The following ANKRD28 variants were observed in gnomAD, a reference collection of about 807,000 sequenced individuals.
ANKRD28 encodes ankyrin repeat domain 28.
In ANKRD28, 44 loss-of-function variants were observed where a neutral mutation model predicts 126.5. The ratio of observed to expected loss-of-function variants is 0.35; its 90% confidence interval spans 0.27 to 0.45. ANKRD28 has a LOEUF of 0.45. Among genes scored for constraint, ANKRD28 ranks in the 20% least tolerant of loss-of-function variants. ANKRD28 has a pLI of 1.00. For missense variants in ANKRD28, 1,110 were observed against 1,316.6 expected, an observed-to-expected ratio of 0.84 and a Z score of 2.43; for synonymous variants, 442 against 468.5, an observed-to-expected ratio of 0.94 and a Z score of 0.73.
At position 15,741,697 on chromosome 3, in the gene ANKRD28, C is replaced by CTTTTTTTTTTTTTTTTTT. The variant is rs58655271; in HGVS notation, c.352-4482_352-4465dup. Among the ~76,000 whole-genome samples, 13 of 33,662 alleles carry CTTTTTTTTTTTTTTTTTT rather than the reference C, an allele frequency of 3.9e-4. 3 individuals are homozygous for CTTTTTTTTTTTTTTTTTT. Among genetic ancestry groups the CTTTTTTTTTTTTTTTTTT allele is most frequent in the African/African-American group, 1.1e-3 (12 of 11,128 alleles). 22.1% of individuals were successfully genotyped at this position (33,662 alleles called of 152,430 possible). On this transcript the variant is annotated intron_variant, in intron 4 of 27. Coordinates refer to ENST00000683139, the MANE Select transcript of ANKRD28 (RefSeq NM_001349278.2). ...ACCAGTTTTCCCCTTTGGTTCTATC[C>CTTTTTTTTTTTTTTTTTT]TTTTTTTTTTTTTTTTTTTTTTTTT...
chr3:15,725,740 C>T (rs570515505), intron 6 of ANKRD28, among the ~76,000 whole-genome samples: 10 of 152,260 alleles, frequency 6.6e-5, no homozygotes, highest in African/African-American at 1.9e-4. Context: ...TCACAAACTG[C>T]ACTCATATAA....
intron 3 of ANKRD28, chr3:15,756,506 C>A: frequency 1.0e-6 from 1 of 985,370 alleles, no homozygotes. Flanking sequence ...CTCTAGGCAG[C>A]CAGCAATGCA....
chr3:15,752,101 T>C (rs1266969899), intron 3 of ANKRD28, among the ~76,000 whole-genome samples: 3 of 152,014 alleles, frequency 2.0e-5, no homozygotes, highest in Non-Finnish European at 4.4e-5. Context: ...ACAGAGCATA[T>C]CCAAGGTAGA....
At chr3:15,694,047 A>G (rs2069176236) in intron 17 of ANKRD28, among the ~76,000 whole-genome samples, 1 of 152,116 alleles carries the variant, frequency 6.6e-6, no homozygotes, top group African/African-American at 2.4e-5. Context: ...CCTGATTCTC[A>G]AAGTACCCCC....
intron 2 of ANKRD28, chr3:15,781,354 G>A (rs1279996949): frequency 6.6e-6 from 1 of 151,898 alleles, no homozygotes. Context: ...ACTGAGTGGG[G>A]AAGATCTGCC....
chr3:15,738,608 C>G (rs547576295), intron 4 of ANKRD28: 12 of 152,334 alleles, frequency 7.9e-5, no homozygotes, highest in African/African-American at 2.6e-4. Context: ...CTGTAGTGCG[C>G]TATGCCGATC....
intron 3 of ANKRD28, among the ~76,000 whole-genome samples, chr3:15,760,387 T>C (rs983246495): frequency 3.0e-4 from 45 of 152,348 alleles, no homozygotes; most frequent in African/African-American, 1.0e-3. Context: ...CATGTACTCC[T>C]GAACTTAAAA....
chr3:15,801,121 G>T (rs1048356067), upstream of ANKRD28, among the ~76,000 whole-genome samples: 7 of 152,052 alleles, frequency 4.6e-5, no homozygotes, highest in Non-Finnish European at 8.8e-5. The surrounding 1 kb of genome is among the most constrained non-coding windows in gnomAD (Gnocchi z 4.9). Context: ...ATTAGATTAA[G>T]TTTTTAATAA....
chr3:15,746,914 G>A (rs950458462), intron 4 of ANKRD28, among the ~76,000 whole-genome samples: 1 of 152,086 alleles, frequency 6.6e-6, no homozygotes, highest in African/African-American at 2.4e-5. Flanking sequence ...TACCTTCCTA[G>A]TTTAATCTAG....
chr3:15,838,320 A>AT lies in ANKRD28; in HGVS notation c.27+21056dup, dbSNP rs535038743. On this transcript the variant is annotated intron_variant, in intron 1 of 27. Transcript: ENST00000399451. The surrounding 1 kb of genome is among the most constrained non-coding windows in gnomAD (Gnocchi z 4.0). The stretch of plus-strand genomic sequence containing the variant: ...AGACAAAGATATCACACGAATAGAG[A>AT]TTTTTTTTAATCCTAACAAAATATC... 3.3e-5 allele frequency among the ~76,000 whole-genome samples: 5 copies of AT among 152,254 alleles called. No individual in the cohort carries two copies. The highest frequency in any genetic ancestry group is 2.1e-4 in the South Asian group (1 of 4,828).
At chr3:15,783,584 A>T (rs1183174271) in intron 2 of ANKRD28, among the ~76,000 whole-genome samples, 1 of 152,056 alleles carries the variant, frequency 6.6e-6, no homozygotes, top group Non-Finnish European at 1.5e-5. Context: ...AGTACATTTA[A>T]TTGTAACAGA....
At chr3:15,682,907 G>A (rs148028319) in intron 21 of ANKRD28, among the ~76,000 whole-genome samples, 173 of 152,272 alleles carry the variant, frequency 1.1e-3, no homozygotes, top group Non-Finnish European at 1.9e-3. Context: ...TTTGCTACAG[G>A]CTGAAAATCA....
Position 15,836,066 on chromosome 3 carries a change from A to G in ANKRD28, c.27+23311T>C, listed in dbSNP as rs371158146. On this transcript the variant is annotated intron_variant, in intron 1 of 27. Coordinates refer to the ANKRD28 transcript ENST00000399451. ...AAGCACAAAAATGGGAGTGAATTAT[A>G]TTGAAAAAAAGAGATGACACTAGAT... is the stretch of plus-strand genomic sequence containing the variant. Among the ~76,000 whole-genome samples, 10 of 152,318 alleles carry G rather than the reference A, an allele frequency of 6.6e-5. No individual in the cohort carries two copies. In the East Asian group the frequency reaches 1.7e-3, roughly 26 times the overall value.
At position 15,749,272 on chromosome 3, in the gene ANKRD28, G is replaced by A. The variant is rs1216365694; in HGVS notation, c.351+2478C>T. ...ACTACAGGCGCCCGCCACCGCGCCC[G>A]GCTAATTTTTTGTATTTTTTTAGTA... On this transcript the variant is annotated intron_variant, in intron 4 of 27. Coordinates refer to ENST00000683139, the MANE Select transcript of ANKRD28 (RefSeq NM_001349278.2). Among the ~76,000 whole-genome samples the A allele has an allele frequency of 4.6e-5, 7 of 150,596 alleles. No individual in the cohort carries two copies. The South Asian group carries it at 6.4e-4, about 14-fold the overall frequency.
At chr3:15,806,503 C>T (rs566914571) in intron 1 of ANKRD28, among the ~76,000 whole-genome samples, 2 of 152,092 alleles carry the variant, frequency 1.3e-5, no homozygotes, top group Non-Finnish European at 2.9e-5. Context: ...ACCACTATAC[C>T]AACACTGCTG....
rs927171972 is a variant in ANKRD28, at chr3:15,668,021, A to G, written c.*2249T>C. 6.6e-6 allele frequency: 1 copy of G among 152,242 alleles called. No individual in the cohort carries two copies. Among genetic ancestry groups the G allele is most frequent in the African/African-American group, 2.4e-5 (1 of 41,446 alleles). 9.4% of individuals were successfully genotyped at this position (152,242 alleles called of 1,614,324 possible). A position where few individuals can be genotyped will look rare whatever the true frequency, so the allele number is the denominator to read the frequency against. ...AATGTGCGAGATTCATCCTTCCAAC[A>G]TTCTCAGGGTTCTCTTGGAGGACAG... On this transcript the variant is annotated 3_prime_UTR_variant, in exon 28 of 28. Coordinates refer to ENST00000683139, the MANE Select transcript of ANKRD28 (RefSeq NM_001349278.2).
At chr3:15,743,371 CAAACA>C (rs937257634) in intron 4 of ANKRD28, among the ~76,000 whole-genome samples, 5 of 147,840 alleles carry the variant, frequency 3.4e-5, no homozygotes, top group African/African-American at 7.8e-5. Context: ...AACAAACAAA[CAAACA>C]AAAAAAAACA....
At chr3:15,713,070 G>C (rs369605144) in intron 10 of ANKRD28, among the ~76,000 whole-genome samples, 1 of 152,172 alleles carries the variant, frequency 6.6e-6, no homozygotes, top group South Asian at 2.1e-4. Context: ...ATAAATACAA[G>C]CAAACTGTTC....
At chr3:15,709,057 G>A (rs2071863877) in intron 13 of ANKRD28, among the ~76,000 whole-genome samples, 1 of 152,168 alleles carries the variant, frequency 6.6e-6, no homozygotes, top group South Asian at 2.1e-4. Context: ...CTTAACAGTA[G>A]TTTTAAATAC....
Sources: gnomAD v4.1 joint callset for allele counts (sites outside exome capture counted in the v4.1 genomes callset) on GRCh38, gnomAD v4.1.1 for gene constraint, Gnocchi (gnomAD v3.1) non-coding constraint, MANE v1.5 for transcripts, NCBI Gene and HGNC (gene_info 2026-07-23, HGNC 2026-07-21) for gene names.